Variants in KAZN observed in about 807,000 individuals in gnomAD.
KAZN encodes kazrin.
Under a neutral mutation model 87.4 loss-of-function variants are expected in KAZN, and 40 were observed. The ratio of observed to expected loss-of-function variants is 0.46; its 90% CI spans 0.36 to 0.60. KAZN has a LOEUF of 0.60. Ranked by LOEUF, KAZN falls within the 20% of genes least tolerant of loss-of-function variation. The pLI is 0.00. For missense variants in KAZN, 898 were observed against 1,073.9 expected (o/e 0.84, Z 2.29); for synonymous variants, 466 against 458.3 (o/e 1.02, Z -0.22).
At chr1:14,736,299 G>GTGTGTGTGTGTGTA (rs1214411509) in intron 1 of KAZN, among the ~76,000 whole-genome samples, 24 of 121,116 alleles carry the variant, frequency 2.0e-4, no homozygotes, top group African/African-American at 7.3e-4. Context: ...GTGTGTGTGT[G>GTGTGTGTGTGTGTA]TATATTTTTT....
intron 2 of KAZN, among the ~76,000 whole-genome samples, chr1:14,573,995 C>T (rs955993909): frequency 1.3e-5 from 2 of 151,974 alleles, no homozygotes; most frequent in African/African-American, 4.8e-5. Flanking sequence ...GTCAATTTTC[C>T]CCTGAAAATA....
chr1:15,037,095 C>T (rs1573135442), intron 3 of KAZN, among the ~76,000 whole-genome samples: 1 of 152,148 alleles, frequency 6.6e-6, no homozygotes, highest in Non-Finnish European at 1.5e-5. Flanking sequence ...TCCCTGCCTC[C>T]CCTTCTGTGT....
rs536813053 is a variant in KAZN, at chr1:14,996,168, G to T, written c.418+35293G>T. The stretch of plus-strand genomic sequence containing the variant: ...ACCGCAGAACTCACTGGGCCTTCTG[G>T]GTCTTGGCTCTTCATGCCCCGCCCA... On this transcript the variant is annotated intron_variant, in intron 2 of 14. Transcript: ENST00000376030. The surrounding 1 kb of genome is among the most constrained non-coding windows in gnomAD (Gnocchi z 5.9). Among the ~76,000 whole-genome samples the T allele has an allele frequency of 6.6e-6, 1 of 152,150 alleles. No homozygotes were observed. Among genetic ancestry groups the T allele is most frequent in the Non-Finnish European group, 1.5e-5 (1 of 68,018 alleles).
intron 2 of KAZN, among the ~76,000 whole-genome samples, chr1:14,961,451 G>A (rs10803328): frequency 0.26 from 40,072 of 151,878 alleles, 5,731 homozygotes; most frequent in African/African-American, 0.36. Flanking sequence ...TGAGGAAACC[G>A]CTGTCCACAT....
At chr1:14,472,007 T>C (rs2148371621) in intron 2 of KAZN, among the ~76,000 whole-genome samples, 1 of 152,260 alleles carries the variant, frequency 6.6e-6, no homozygotes, top group South Asian at 2.1e-4. Context: ...CTAGGAGGTG[T>C]AAGACCAAGG....
chr1:13,966,706 G>A (rs898398299), intron 1 of KAZN, among the ~76,000 whole-genome samples: 1 of 152,170 alleles, frequency 6.6e-6, no homozygotes, highest in Non-Finnish European at 1.5e-5. Flanking sequence ...TGCCGTAAGT[G>A]TAAAATAGAC....
At chr1:14,036,329 G>A (rs774671777) in intron 1 of KAZN, among the ~76,000 whole-genome samples, 14 of 152,174 alleles carry the variant, frequency 9.2e-5, no homozygotes, top group Non-Finnish European at 2.9e-5. Context: ...CAAATCATGT[G>A]GCTGTTCAGG....
At chr1:14,941,710 T>C (rs1661102996) in intron 1 of KAZN, among the ~76,000 whole-genome samples, 1 of 152,172 alleles carries the variant, frequency 6.6e-6, no homozygotes, top group African/African-American at 2.4e-5. Context: ...ACTGGAGTTA[T>C]CCTGAGTTAA....
intron 1 of KAZN, among the ~76,000 whole-genome samples, chr1:14,736,299 GTATATT>G (rs1376630625): frequency 6.6e-5 from 8 of 121,118 alleles, no homozygotes; most frequent in African/African-American, 2.7e-4. Context: ...GTGTGTGTGT[GTATATT>G]TTTTTTTTTT....
At chr1:13,991,574 G>T (rs1639285848) in intron 1 of KAZN, among the ~76,000 whole-genome samples, 1 of 151,984 alleles carries the variant, frequency 6.6e-6, no homozygotes, top group Non-Finnish European at 1.5e-5. Flanking sequence ...AGTATTTATT[G>T]CCTCTGTTTT....
At chr1:14,800,806 T>C (rs1645986431) in intron 1 of KAZN, among the ~76,000 whole-genome samples, 1 of 152,140 alleles carries the variant, frequency 6.6e-6, no homozygotes, top group African/African-American at 2.4e-5. Context: ...ATTCCATTCA[T>C]AGGAAATGTC....
chr1:14,065,444 G>A (rs1642970946), intron 1 of KAZN, among the ~76,000 whole-genome samples: 1 of 152,000 alleles, frequency 6.6e-6, no homozygotes, highest in African/African-American at 2.4e-5. Context: ...CAAAAAGCTC[G>A]CTCACCTTTG....
chr1:14,000,547 A>G (rs191923898), intron 1 of KAZN, among the ~76,000 whole-genome samples: 3 of 152,340 alleles, frequency 2.0e-5, no homozygotes, highest in African/African-American at 7.2e-5. Flanking sequence ...GATGGAACAT[A>G]TCTCAAAATA....
chr1:14,472,697 A>G (rs1382591403), intron 2 of KAZN, among the ~76,000 whole-genome samples: 1 of 151,894 alleles, frequency 6.6e-6, no homozygotes, highest in Non-Finnish European at 1.5e-5. Context: ...AGAGAGAAAG[A>G]CAGGAATCAC....
chr1:14,217,434 A>T (rs1008176351), intron 2 of KAZN, among the ~76,000 whole-genome samples: 4 of 152,138 alleles, frequency 2.6e-5, no homozygotes, highest in African/African-American at 9.6e-5. Context: ...ACCTAAGAAA[A>T]TGTCACATGA....
chr1:14,696,327 C>T (rs965991861), intron 1 of KAZN, among the ~76,000 whole-genome samples: 1 of 152,166 alleles, frequency 6.6e-6, no homozygotes, highest in Non-Finnish European at 1.5e-5. Context: ...AGTGGGAACA[C>T]CAGCCTGAGG....
intron 10 of KAZN, among the ~76,000 whole-genome samples, chr1:15,101,164 T>TTCTCTCTCTCTCTC (rs143288616): frequency 0.016 from 2,002 of 127,800 alleles, 79 homozygotes; most frequent in African/African-American, 0.041. Context: ...GTCTCGGTCT[T>TTCTCTCTCTCTCTC]TCTCTCTCTC....
intron 1 of KAZN, among the ~76,000 whole-genome samples, chr1:14,126,358 C>A (rs377711357): frequency 1.0e-4 from 15 of 150,160 alleles, no homozygotes; most frequent in East Asian, 2.0e-4. Flanking sequence ...TCCCCTCCCC[C>A]CCCCCGTCAA....
rs530461902 is a variant in KAZN, at chr1:14,969,571, C to T, written c.418+8696C>T. Among the ~76,000 whole-genome samples the T allele has an allele frequency of 2.0e-5, 3 of 152,350 alleles. No individual in the cohort carries two copies. In the South Asian group the frequency reaches 6.2e-4, roughly 32 times the overall value. ...CTCTACAGACAGAATGTCTTCCTTA[C>T]ATACTACCGGCTGCTTTTAAATATT... On this transcript the variant is annotated intron_variant, in intron 2 of 14. Transcript: ENST00000376030.
Sources: gnomAD v4.1 joint callset for allele counts (sites outside exome capture counted in the v4.1 genomes callset) on GRCh38, gnomAD v4.1.1 for gene constraint, Gnocchi (gnomAD v3.1) non-coding constraint, MANE v1.5 for transcripts, NCBI Gene and HGNC (gene_info 2026-07-23, HGNC 2026-07-21) for gene names.